Variants in GATAD2B observed in about 807,000 individuals in gnomAD.
GATAD2B encodes the protein transcriptional repressor p66-beta.
A neutral mutation model predicts 64.3 loss-of-function variants in GATAD2B; 8 were observed. That is an observed-to-expected ratio of 0.12 (90% CI 0.07 to 0.22). The LOEUF (loss-of-function observed/expected upper bound fraction) is 0.22, where lower values mean the gene tolerates loss of function less well. Among genes scored for constraint, GATAD2B ranks in the 10% least tolerant of loss-of-function variants. GATAD2B has a pLI of 1.00. For missense variants in GATAD2B, 453 were observed against 752.0 expected, an observed-to-expected ratio of 0.60 and a Z score of 4.65; for synonymous variants, 281 against 271.3, an observed-to-expected ratio of 1.04 and a Z score of -0.35.
chr1:153,905,553 G>GAAAAAAAAAAAA (rs769120730), intron 1 of GATAD2B, among the ~76,000 whole-genome samples: 1 of 64,670 alleles, frequency 1.5e-5, no homozygotes, highest in Non-Finnish European at 3.2e-5. Context: ...AACAATTTTG[G>GAAAAAAAAAAAA]AAAAAAAAAA....
intron 1 of GATAD2B, among the ~76,000 whole-genome samples, chr1:153,863,591 C>T (rs765146393): frequency 1.3e-5 from 2 of 150,526 alleles, no homozygotes; most frequent in Non-Finnish European, 3.0e-5. Flanking sequence ...TACATTTTTC[C>T]AACCTTCTCC....
intron 7 of GATAD2B, among the ~76,000 whole-genome samples, chr1:153,815,101 A>AAAAAAAAAAAAAAAAC (rs1674415156): frequency 6.2e-5 from 9 of 144,126 alleles, no homozygotes; most frequent in Non-Finnish European, 1.4e-4. Context: ...AAAAAAAAAA[A>AAAAAAAAAAAAAAAAC]AAAAAAAAAA....
At chr1:153,824,046 T>C (rs966717333) in intron 2 of GATAD2B, among the ~76,000 whole-genome samples, 6 of 152,266 alleles carry the variant, frequency 3.9e-5, no homozygotes, top group Admixed American at 2.0e-4. Context: ...TTCATTCTTA[T>C]ACATCTCGGG....
chr1:153,857,602 C>G (rs143212805), intron 1 of GATAD2B, among the ~76,000 whole-genome samples: 12 of 152,208 alleles, frequency 7.9e-5, no homozygotes, highest in African/African-American at 2.6e-4. Flanking sequence ...TCACTATAGT[C>G]CCCTTATCAA....
At chr1:153,817,987 G>A in intron 5 of GATAD2B, 53 bp downstream of exon 5, 1 of 1,466,872 alleles carries the variant, frequency 6.8e-7, no homozygotes, top group South Asian at 1.4e-5. Flanking sequence ...CAAAAACAGA[G>A]ACAGGATTAG....
intron 1 of GATAD2B, among the ~76,000 whole-genome samples, chr1:153,904,057 G>A (rs1379101422): frequency 6.6e-6 from 1 of 152,090 alleles, no homozygotes; most frequent in Non-Finnish European, 1.5e-5. Flanking sequence ...AAGGCGGGTG[G>A]ATCACGAGGT....
chr1:153,812,191 T>C lies in GATAD2B; in HGVS notation c.1420-59A>G, dbSNP rs1249240395. 8 of 37,422 alleles carry C rather than the reference T, an allele frequency of 2.1e-4. No homozygotes were observed. The African/African-American group carries it at 2.9e-3, about 13-fold the overall frequency. 2.3% of individuals were successfully genotyped at this position (37,422 alleles called of 1,614,324 possible). Reference sequence around the variant, plus strand: ...GGACAGCACCCAATACCCAATTTCCTTTTTTTTTTTTTTTTTTAAACAGAG... The same window carrying C: ...GGACAGCACCCAATACCCAATTTCCCTTTTTTTTTTTTTTTTTAAACAGAG... On this transcript the variant is annotated intron_variant, in intron 8 of 10. Coordinates refer to ENST00000368655, the MANE Select transcript of GATAD2B (RefSeq NM_020699.4).
At chr1:153,839,916 G>C (rs1189110753) in intron 1 of GATAD2B, among the ~76,000 whole-genome samples, 6 of 151,966 alleles carry the variant, frequency 3.9e-5, no homozygotes, top group Non-Finnish European at 7.4e-5. Context: ...AGAGGTTGCA[G>C]TGAGCTGAGA....
At chr1:153,894,579 C>T (rs939656041) in intron 1 of GATAD2B, among the ~76,000 whole-genome samples, 3 of 151,870 alleles carry the variant, frequency 2.0e-5, no homozygotes, top group African/African-American at 7.3e-5. Context: ...AAAAAGTTTA[C>T]GGGCCAGGTA....
At chr1:153,838,037 G>C (rs960725657) in intron 1 of GATAD2B, among the ~76,000 whole-genome samples, 1 of 152,108 alleles carries the variant, frequency 6.6e-6, no homozygotes, top group Non-Finnish European at 1.5e-5. Flanking sequence ...TTTTCAACAA[G>C]CTACTAAGTA....
chr1:153,897,577 G>A (rs1677634091), intron 1 of GATAD2B, among the ~76,000 whole-genome samples: 1 of 152,128 alleles, frequency 6.6e-6, no homozygotes, highest in Admixed American at 6.6e-5. Context: ...ACTGATAAGA[G>A]ACTAAGTACA....
intron 1 of GATAD2B, among the ~76,000 whole-genome samples, chr1:153,918,139 G>A (rs1364661913): frequency 6.6e-6 from 1 of 152,214 alleles, no homozygotes; most frequent in Non-Finnish European, 1.5e-5. Context: ...GAAGATGACA[G>A]CCGATCAAAA....
chr1:153,825,305 A>G (rs1173827866), intron 2 of GATAD2B, among the ~76,000 whole-genome samples: 2 of 152,196 alleles, frequency 1.3e-5, no homozygotes, highest in African/African-American at 4.8e-5. Flanking sequence ...TCTAAAAATG[A>G]ACCTACTTAT....
chr1:153,856,886 C>T (rs1191521157), intron 1 of GATAD2B, among the ~76,000 whole-genome samples: 2 of 152,090 alleles, frequency 1.3e-5, no homozygotes, highest in African/African-American at 4.8e-5. Flanking sequence ...GTAGCCTAGC[C>T]CTCCAGATAC....
intron 1 of GATAD2B, among the ~76,000 whole-genome samples, chr1:153,895,838 T>C (rs1435824703): frequency 6.6e-6 from 1 of 151,956 alleles, no homozygotes; most frequent in Non-Finnish European, 1.5e-5. Flanking sequence ...TTTATACCTC[T>C]GACTCTGGAA....
chr1:153,903,959 T>A (rs546404934), intron 1 of GATAD2B, among the ~76,000 whole-genome samples: 1 of 151,868 alleles, frequency 6.6e-6, no homozygotes, highest in Non-Finnish European at 1.5e-5. Context: ...ACTCCAGCGT[T>A]GGCAACAGCA....
At position 153,818,164 on chromosome 1, in the gene GATAD2B, A is replaced by G. The variant is rs1465214086; in HGVS notation, c.605T>C (p.Val202Ala). Reference sequence around the variant, plus strand: ...AACAATAGATGCTGCATTCTGTACAACTGGAGTCTGGGAGAGGGAAGAGAA... The same window carrying G: ...AACAATAGATGCTGCATTCTGTACAGCTGGAGTCTGGGAGAGGGAAGAGAA... ...QKENVVQKTP[V>A]VQNAASIVQP... The change falls in exon 5 of 11, where the codon GTT becomes GCT. Residue 202 changes from valine to alanine, a missense_variant. Val to Ala is a moderately conservative substitution (Grantham distance 64). Transcript: ENST00000368655. 5.6e-6 allele frequency: 9 copies of G among 1,600,888 alleles called. 1 individual carries two copies. The highest frequency in any genetic ancestry group is 7.7e-6 in the Non-Finnish European group (9 of 1,174,800).
chr1:153,822,951 GTTTTTA>G (rs1259148626), intron 2 of GATAD2B, among the ~76,000 whole-genome samples: 4 of 152,066 alleles, frequency 2.6e-5, no homozygotes, highest in Non-Finnish European at 4.4e-5. Context: ...TGAGTAGCTA[GTTTTTA>G]AATTTTTTGT....
At chr1:153,815,290 AAAC>A (rs1557780265) in intron 7 of GATAD2B, among the ~76,000 whole-genome samples, 4 of 145,570 alleles carry the variant, frequency 2.7e-5, no homozygotes, top group African/African-American at 5.0e-5. Flanking sequence ...CAAAAAAAAA[AAAC>A]AAAAAAAAAA....
Sources: gnomAD v4.1 joint callset for allele counts (sites outside exome capture counted in the v4.1 genomes callset) on GRCh38, gnomAD v4.1.1 for gene constraint, MANE v1.5 for transcripts, NCBI Gene and HGNC (gene_info 2026-07-23, HGNC 2026-07-21) for gene names.